SSTR5: variants seen among roughly 807,000 people sequenced by gnomAD.
The protein encoded by SSTR5 is somatostatin receptor 5, also known as somatostatin receptor type 5.
In SSTR5, 1 loss-of-function variant was observed where a neutral mutation model predicts 0.3. That is an observed-to-expected ratio of 2.98 (90% CI 1.06 to 14.15). The LOEUF is 14.15. Among genes scored for constraint, SSTR5 ranks in the 30% most tolerant of loss-of-function variants. The pLI is 0.12. For missense variants in SSTR5, 516 were observed against 543.2 expected (o/e 0.95, Z 0.50); for synonymous variants, 256 against 263.1 (o/e 0.97, Z 0.26).
At chr16:1,076,535 CTCCCAGAAGGGA>C (rs1327787094) in intron 1 of SSTR5, among the ~76,000 whole-genome samples, 1 of 151,268 alleles carries the variant, frequency 6.6e-6, no homozygotes, top group Non-Finnish European at 1.5e-5. Flanking sequence ...GACAGGTGCG[CTCCCAGAAGGGA>C]TCCTGTCGCC....
rs35801359 is a variant in SSTR5 at position 1,078,986 on chromosome 16, G to T, written c.118G>T (p.Ala40Ser). The change falls in exon 2 of 2, where the codon GCG becomes TCG. Residue 40 changes from alanine to serine, a missense_variant. Coordinates refer to ENST00000689027, the MANE Select transcript of SSTR5 (RefSeq NM_001172560.3). ...VGPAPSAGAR[A>S]VLVPVLYLLV... ...GCCGGCGCCCTCGGCAGGGGCCCGG[G>T]CGGTGCTGGTGCCCGTGCTGTACCT... 2 of 1,591,182 alleles carry T rather than the reference G, an allele frequency of 1.3e-6. No individual in the cohort carries two copies. Among genetic ancestry groups the T allele is most frequent in the East Asian group, 4.6e-5 (2 of 43,210 alleles).
At chr16:1,072,917 C>G (rs964596837) in intron 1 of SSTR5, among the ~76,000 whole-genome samples, 95 bp downstream of exon 1, 41 of 151,986 alleles carry the variant, frequency 2.7e-4, no homozygotes, top group Non-Finnish European at 1.5e-5. Context: ...TGCGCAGCCC[C>G]GGCCCGGGGT....
Position 1,079,211 on chromosome 16 carries a change from G to C in SSTR5, c.343G>C (p.Val115Leu), listed in dbSNP as rs1960290646. Residue 115 changes from valine to leucine, a missense_variant, in exon 2 of 2, where the codon GTC (valine) becomes CTC (leucine). Val to Leu is a conservative substitution (Grantham distance 32). Transcript: ENST00000689027. ...CTTCGGCCCCGTCCTGTGCCGCCTG[G>C]TCATGACGCTGGACGGCGTCAACCA... ...WPFGPVLCRL[V>L]MTLDGVNQFT... 6.2e-7 allele frequency: 1 copy of C among 1,612,416 alleles called. No individual in the cohort carries two copies. The highest frequency in any genetic ancestry group is 1.3e-5 in the African/African-American group (1 of 74,926).
chr16:1,075,173 A>G (rs1300897079), intron 1 of SSTR5, among the ~76,000 whole-genome samples: 1 of 152,188 alleles, frequency 6.6e-6, no homozygotes, highest in African/African-American at 2.4e-5. Context: ...ATTATGTTCC[A>G]AGAGTCAGGT....
Position 1,079,529 on chromosome 16 carries a change from T to C in SSTR5, c.661T>C (p.Tyr221His). The change falls in exon 2 of 2, where the codon TAC (tyrosine) becomes CAC (histidine). Residue 221 changes from tyrosine (Y) to histidine (H), a missense_variant. Transcript: ENST00000689027. ...FAPLLVICLC[Y>H]LLIVVKVRAA... is the part of the protein sequence containing the mutation. ...GCCGCTGCTGGTCATCTGCCTGTGC[T>C]ACCTGCTCATCGTGGTGAAGGTGAG... is the stretch of plus-strand genomic sequence containing the variant. 6.2e-7 allele frequency: 1 copy of C among 1,612,172 alleles called. No homozygotes were observed. The highest frequency in any genetic ancestry group is 8.5e-7 in the Non-Finnish European group (1 of 1,179,482).
rs1039861383 is a variant in SSTR5, at chr16:1,080,393, C to T, written c.*430C>T. Among the ~76,000 whole-genome samples the T allele has an allele frequency of 6.6e-6, 1 of 152,246 alleles. No homozygotes were observed. The highest frequency in any genetic ancestry group is 1.9e-4 in the East Asian group (1 of 5,198). On this transcript the variant is annotated 3_prime_UTR_variant, in exon 2 of 2. Transcript: ENST00000689027. ...TGTCAGCTCCGAGCCACCGGGTCCCCGTCCAAGGCTGCTCTGCTAAGTTAA... is the reference window on the plus strand; with the variant it reads ...TGTCAGCTCCGAGCCACCGGGTCCCTGTCCAAGGCTGCTCTGCTAAGTTAA...
chr16:1,078,743 G>A (rs533063295), intron 1 of SSTR5, 99 bp from the exon 2 acceptor site: 67 of 1,129,686 alleles, frequency 5.9e-5, no homozygotes, highest in South Asian at 4.7e-4. Flanking sequence ...GTGATCCCGC[G>A]CCTCCTGGCA....
At position 1,079,168 on chromosome 16, in the gene SSTR5, C is replaced by T. The variant is rs749989497; in HGVS notation, c.300C>T (p.Asn100=). ...MLGLPFLATQ[N]AASFWPFGPV... is the part of the protein sequence containing the mutation. ...GGCTGCCTTTCCTGGCCACGCAGAA[C>T]GCCGCGTCCTTCTGGCCCTTCGGCC... The change falls in exon 2 of 2, where the codon AAC becomes AAT. Residue 100 remains asparagine, a synonymous_variant. Transcript: ENST00000689027. The T allele has an allele frequency of 2.2e-5, 36 of 1,612,496 alleles. No individual in the cohort carries two copies. The highest frequency in any genetic ancestry group is 2.7e-5 in the Non-Finnish European group (32 of 1,179,958).
rs1039280514 is a variant in SSTR5, at chr16:1,080,594, C to G, written c.*631C>G. Among the ~76,000 whole-genome samples, 2 of 152,222 alleles carry G rather than the reference C, an allele frequency of 1.3e-5. No homozygotes were observed. Among genetic ancestry groups the G allele is most frequent in the African/African-American group, 4.8e-5 (2 of 41,456 alleles). Reference sequence around the variant, plus strand: ...GGGGGCCCCACCCTGCTGCCCGACACCCCCCATGGGAGGCTGCGGGCGGCA... The same window carrying G: ...GGGGGCCCCACCCTGCTGCCCGACAGCCCCCATGGGAGGCTGCGGGCGGCA... On this transcript the variant is annotated 3_prime_UTR_variant, in exon 2 of 2. Transcript: ENST00000689027.
At chr16:1,077,377 G>A (rs1235866576) in intron 1 of SSTR5, among the ~76,000 whole-genome samples, 19 of 152,228 alleles carry the variant, frequency 1.2e-4, no homozygotes, top group Admixed American at 1.2e-3. Context: ...CACAGCTCCA[G>A]GGTCAACCCA....
In SSTR5 at chr16:1,080,224, G is replaced by A. The variant is rs916561215; in HGVS notation, c.*261G>A. ...GACCGGTGGGGGGCTCCGCCATGCC[G>A]TGCAAGTGCTCAGGGCCGCCTCACC... is the stretch of plus-strand genomic sequence containing the variant. On this transcript the variant is annotated 3_prime_UTR_variant, in exon 2 of 2. Transcript: ENST00000689027. The A allele has an allele frequency of 9.6e-5, 49 of 510,044 alleles. No homozygotes were observed. The highest frequency in any genetic ancestry group is 5.7e-4 in the African/African-American group (29 of 51,218). 31.6% of individuals were successfully genotyped at this position (510,044 alleles called of 1,614,324 possible).
At chr16:1,075,544 G>A (rs1047856827) in intron 1 of SSTR5, among the ~76,000 whole-genome samples, 2 of 152,062 alleles carry the variant, frequency 1.3e-5, no homozygotes, top group East Asian at 1.9e-4. Flanking sequence ...GAGATGGACC[G>A]GAGCCCGACA....
Position 1,078,874 on chromosome 16 carries a change from G to T in SSTR5, c.6G>T (p.Glu2Asp). 6.2e-7 allele frequency: 1 copy of T among 1,605,616 alleles called. No homozygotes were observed. The highest frequency in any genetic ancestry group is 8.5e-7 in the Non-Finnish European group (1 of 1,179,328). ...CGCACCCCAGGGCTGCCGCCATGGA[G>T]CCCCTGTTCCCAGCCTCCACGCCCA... M[E>D]PLFPASTPSW... Residue 2 changes from glutamate to aspartate, a missense_variant, in exon 2 of 2, where the codon GAG (glutamate) becomes GAT (aspartate). Transcript: ENST00000689027.
At chr16:1,076,962 C>T (rs192830220) in intron 1 of SSTR5, among the ~76,000 whole-genome samples, 4 of 152,208 alleles carry the variant, frequency 2.6e-5, no homozygotes, top group Admixed American at 2.0e-4. Flanking sequence ...TTTTCTGAGT[C>T]GTATTTCTTA....
At chr16:1,076,143 A>C (rs182381683) in intron 1 of SSTR5, among the ~76,000 whole-genome samples, 100 of 10,152 alleles carry the variant, frequency 9.9e-3, no homozygotes, top group East Asian at 0.064. Flanking sequence ...CCGCCTCCCC[A>C]TCCCTCTCCC....
chr16:1,078,522 T>C (rs572861513), intron 1 of SSTR5: 9 of 385,908 alleles, frequency 2.3e-5, no homozygotes, highest in African/African-American at 1.8e-4. Context: ...ACGCAGGTGC[T>C]GGCCTCAGAC....
intron 1 of SSTR5, chr16:1,078,290 C>T (rs185333872): frequency 3.7e-3 from 593 of 158,508 alleles, no homozygotes; most frequent in Non-Finnish European, 4.9e-3. Context: ...GTGAAAGTCC[C>T]TCGAGGCTGC....
intron 1 of SSTR5, among the ~76,000 whole-genome samples, chr16:1,074,128 C>T (rs1960145506): frequency 6.6e-6 from 1 of 152,202 alleles, no homozygotes. Context: ...GGGCAGTGGC[C>T]TGCCACCAGG....
Position 1,079,116 on chromosome 16 carries a change from C to CA in SSTR5, c.249dup (p.Val84SerfsTer226), listed in dbSNP as rs1219532826. The CA allele has an allele frequency of 6.2e-6, 10 of 1,612,610 alleles. No homozygotes were observed. The highest frequency in any genetic ancestry group is 1.3e-5 in the African/African-American group (1 of 74,940). ...ACCAACATCTACATTCTCAACCTGG[C>CA]AGTGGCCGACGTCCTGTACATGCTG... On this transcript the variant is annotated frameshift_variant, in exon 2 of 2. Transcript: ENST00000689027. LOFTEE classifies it low-confidence loss of function (END_TRUNC).
Sources: allele counts gnomAD v4.1 joint callset (sites outside exome capture counted in the v4.1 genomes callset), GRCh38; gene constraint gnomAD v4.1.1; transcripts MANE v1.5; gene names NCBI Gene and HGNC (gene_info 2026-07-23, HGNC 2026-07-21).